Variants in SRGAP2C observed in about 807,000 individuals in gnomAD.
SRGAP2C encodes SLIT-ROBO Rho GTPase activating protein 2C, also known as SLIT-ROBO Rho GTPase-activating protein 2C.
A neutral mutation model predicts 25.1 loss-of-function variants in SRGAP2C; 15 were observed. The ratio of observed to expected loss-of-function variants is 0.60; its 90% CI spans 0.40 to 0.92. The LOEUF (loss-of-function observed/expected upper bound fraction) is 0.92. SRGAP2C is among the 40% of genes least tolerant of loss of function. SRGAP2C has a pLI of 0.00. For synonymous variants in SRGAP2C, 44 were observed against 96.6 expected (o/e 0.46, Z 3.19); for missense variants, 144 against 264.4 (o/e 0.54, Z 3.16).
At chr1:121,368,063 G>A (rs1367107506) in intron 5 of SRGAP2C, among the ~76,000 whole-genome samples, 86 of 76,836 alleles carry the variant, frequency 1.1e-3, no homozygotes, top group Middle Eastern at 0.015. Context: ...GCAACAGAGC[G>A]AGACTCTGTC....
At chr1:121,309,008 T>G (rs1657915268) in intron 3 of SRGAP2C, among the ~76,000 whole-genome samples, 1 of 131,202 alleles carries the variant, frequency 7.6e-6, no homozygotes, top group Non-Finnish European at 1.6e-5. Flanking sequence ...ATGAAACAAG[T>G]TTATTATAAA....
At chr1:121,308,870 C>T (rs1286010315) in intron 3 of SRGAP2C, among the ~76,000 whole-genome samples, 9 of 135,616 alleles carry the variant, frequency 6.6e-5, no homozygotes, top group Admixed American at 2.4e-4. Context: ...ACCCAGGAGG[C>T]GGAGGTTGCG....
intron 2 of SRGAP2C, among the ~76,000 whole-genome samples, chr1:121,199,777 A>G (rs1479222024): frequency 2.1e-5 from 3 of 145,850 alleles, no homozygotes; most frequent in Non-Finnish European, 3.0e-5. Flanking sequence ...CCTAGGTGAC[A>G]GAGCAAGACT....
chr1:121,212,209 C>T, intron 2 of SRGAP2C, among the ~76,000 whole-genome samples: 2 of 109,098 alleles, frequency 1.8e-5, no homozygotes, highest in South Asian at 7.4e-4. Flanking sequence ...CGGCTCACTG[C>T]AACCTCCACC....
Position 121,314,801 on chromosome 1 carries a change from C to G in SRGAP2C, c.261-9677C>G, listed in dbSNP as rs1444251798. 6.3e-4 allele frequency: 280 copies of G among 447,938 alleles called. 1 individual carries two copies. The East Asian group carries it at 0.012, about 20-fold the overall frequency. The allele number at this position is 447,938 out of a possible 1,614,324, so 27.7% of individuals were successfully genotyped here. A position where few individuals can be genotyped will look rare whatever the true frequency, so the allele number is the denominator to read the frequency against. ...TGCCCGTTCTCAGATCTCCAGCTGC[C>G]TGCTGGGAGAACCACTGCTCTCTTC... On this transcript the variant is annotated intron_variant, in intron 3 of 9. Coordinates refer to ENST00000367123, the MANE Select transcript of SRGAP2C (RefSeq NM_001329984.2).
intron 3 of SRGAP2C, among the ~76,000 whole-genome samples, chr1:121,300,159 G>T (rs1377450592): frequency 2.6e-4 from 35 of 135,542 alleles, no homozygotes; most frequent in African/African-American, 9.9e-4. Flanking sequence ...AATACACAGT[G>T]TATTAGGCCA....
chr1:121,232,683 A>G (rs1356006869), intron 2 of SRGAP2C, among the ~76,000 whole-genome samples: 1 of 152,144 alleles, frequency 6.6e-6, no homozygotes, highest in Admixed American at 6.5e-5. Flanking sequence ...TCTAGTTTGC[A>G]TCTGAAACGT....
intron 2 of SRGAP2C, among the ~76,000 whole-genome samples, chr1:121,267,236 C>A (rs1410146653): frequency 6.6e-6 from 1 of 151,002 alleles, no homozygotes; most frequent in Non-Finnish European, 1.5e-5. Context: ...CTCTGTCACC[C>A]AGGCTGGAGT....
chr1:121,259,431 G>T (rs1398321212), intron 2 of SRGAP2C, among the ~76,000 whole-genome samples: 6 of 130,776 alleles, frequency 4.6e-5, no homozygotes, highest in Non-Finnish European at 8.1e-5. Flanking sequence ...AGTGAGCCAA[G>T]ATCATGCCAC....
intron 2 of SRGAP2C, among the ~76,000 whole-genome samples, chr1:121,211,458 CACAT>C (rs1188121795): frequency 2.9e-5 from 4 of 139,498 alleles, no homozygotes; most frequent in Non-Finnish European, 6.3e-5. Context: ...CACACACACA[CACAT>C]CTTACCTTAT....
intron 4 of SRGAP2C, among the ~76,000 whole-genome samples, chr1:121,335,266 G>A (rs1332509497): frequency 0.53 from 71,558 of 135,724 alleles, 17,036 homozygotes; most frequent in East Asian, 0.73. Context: ...ACTTGAACCC[G>A]GAAGGTGGAG....
Position 121,258,570 on chromosome 1 carries a change from A to AT in SRGAP2C, c.68-26231dup, listed in dbSNP as rs1412680779. Among the ~76,000 whole-genome samples the AT allele has an allele frequency of 2.7e-5, 4 of 150,688 alleles. No homozygotes were observed. In the Admixed American group the frequency reaches 2.7e-4, roughly 10 times the overall value. On this transcript the variant is annotated intron_variant, in intron 2 of 9. Transcript: ENST00000367123. ...AACCTCTGCCTCCTGGGTTCAAGAG[A>AT]TTCTCCTGCATCAGCCTCCTGAGTA...
intron 2 of SRGAP2C, among the ~76,000 whole-genome samples, chr1:121,211,212 T>C (rs1412410046): frequency 2.6e-5 from 4 of 151,984 alleles, no homozygotes; most frequent in African/African-American, 7.3e-5. Context: ...CTTGGTCTTT[T>C]CTTCTTTCAG....
At chr1:121,370,439 CTT>C (rs201539761) in intron 5 of SRGAP2C, among the ~76,000 whole-genome samples, 173 of 81,790 alleles carry the variant, frequency 2.1e-3, no homozygotes, top group South Asian at 0.016. Flanking sequence ...CTCAGACTTC[CTT>C]TTTTTTTTTT....
At chr1:121,265,127 A>G (rs2101537822) in intron 2 of SRGAP2C, among the ~76,000 whole-genome samples, 1 of 123,282 alleles carries the variant, frequency 8.1e-6, no homozygotes, top group African/African-American at 3.1e-5. Flanking sequence ...TGAACCCAGG[A>G]GGCAGAGGCC....
rs1323687815 is a variant in SRGAP2C, at chr1:121,392,500, A to C, written c.*4645A>C. On this transcript the variant is annotated 3_prime_UTR_variant, in exon 10 of 10. Coordinates refer to ENST00000367123, the MANE Select transcript of SRGAP2C (RefSeq NM_001329984.2). ...CTCTTTTGAGATTTATAGTCACTCA[A>C]ATAAAGAGATAACCCAAACATAAGC... The C allele has an allele frequency of 1.3e-5, 2 of 149,518 alleles. No individual in the cohort carries two copies. Among genetic ancestry groups the C allele is most frequent in the Non-Finnish European group, 3.0e-5 (2 of 67,452 alleles). The allele number at this position is 149,518 out of a possible 1,614,324, so 9.3% of individuals were successfully genotyped here.
intron 3 of SRGAP2C, among the ~76,000 whole-genome samples, chr1:121,312,245 G>A (rs1657979044): frequency 3.0e-5 from 1 of 33,456 alleles, no homozygotes. Flanking sequence ...ATGGTAGTTT[G>A]TATTTCTGTG....
At chr1:121,294,622 A>T (rs1419106243) in intron 3 of SRGAP2C, among the ~76,000 whole-genome samples, 3 of 90,588 alleles carry the variant, frequency 3.3e-5, no homozygotes, top group Non-Finnish European at 7.2e-5. Flanking sequence ...ACTTCCTGTA[A>T]ATTACCTTTC....
intron 4 of SRGAP2C, among the ~76,000 whole-genome samples, chr1:121,353,684 G>C (rs2101636381): frequency 3.7e-5 from 2 of 54,044 alleles, no homozygotes; most frequent in South Asian, 1.2e-3. Flanking sequence ...GAATAGTATT[G>C]TACCAATCTA....
Sources: allele counts gnomAD v4.1 joint callset (sites outside exome capture counted in the v4.1 genomes callset), GRCh38; gene constraint gnomAD v4.1.1; transcripts MANE v1.5; gene names NCBI Gene and HGNC (gene_info 2026-07-23, HGNC 2026-07-21).